Variants in CEP250 observed in about 807,000 individuals in gnomAD.
The protein encoded by CEP250 is centrosome-associated protein CEP250.
A neutral mutation model predicts 315.7 loss-of-function variants in CEP250; 242 were observed. The ratio of observed to expected loss-of-function variants is 0.77; its 90% confidence interval spans 0.69 to 0.85. CEP250 has a LOEUF of 0.85. Among genes scored for constraint, CEP250 ranks in the 40% least tolerant of loss-of-function variants. CEP250 has a pLI of 0.00. For missense variants in CEP250, 2,515 were observed against 2,886.4 expected (o/e 0.87, Z 2.95); for synonymous variants, 1,088 against 1,175.0 (o/e 0.93, Z 1.51).
At chr20:35,464,208 C>A (rs1273052679) in intron 5 of CEP250, among the ~76,000 whole-genome samples, 1 of 152,208 alleles carries the variant, frequency 6.6e-6, no homozygotes, top group Non-Finnish European at 1.5e-5. Context: ...AAGCTATATG[C>A]ATTCAGTATG....
rs540259185 is a variant in CEP250 at position 35,465,410 on chromosome 20, A to G, written c.244-333A>G. On this transcript the variant is annotated intron_variant, in intron 5 of 34. Transcript: ENST00000397527. Reference sequence around the variant, plus strand: ...ACTCCAGCCTGGGCGACAGAGCGAGACTCTGTCTCCAAAAAAAAAAAAAAA... The same window carrying G: ...ACTCCAGCCTGGGCGACAGAGCGAGGCTCTGTCTCCAAAAAAAAAAAAAAA... Among the ~76,000 whole-genome samples, 58 of 140,724 alleles carry G rather than the reference A, an allele frequency of 4.1e-4. No homozygotes were observed. The South Asian group carries it at 0.012, about 29-fold the overall frequency. 92.3% of individuals were successfully genotyped at this position (140,724 alleles called of 152,430 possible). A position where few individuals can be genotyped will look rare whatever the true frequency, so the allele number is the denominator to read the frequency against.
chr20:35,498,065 C>A lies in CEP250; in HGVS notation c.3653C>A (p.Pro1218Gln), dbSNP rs959592326. Residue 1218 changes from proline (P) to glutamine (Q), a missense_variant and splice_region_variant, in exon 26 of 35, where the codon CCA (proline) becomes CAA (glutamine). Coordinates refer to ENST00000397527, the MANE Select transcript of CEP250 (RefSeq NM_007186.6). ...GCTCCTTCCGTCTGGGGCCTTGAGC[C>A]AGGTGAGACAGCCTCCCCAGAACTA... ...DSAPSVWGLEPDQNGARSLFK... is the reference protein window; with the variant it reads ...DSAPSVWGLEQDQNGARSLFK... The A allele has an allele frequency of 7.7e-6, 12 of 1,557,450 alleles. No individual in the cohort carries two copies. The highest frequency in any genetic ancestry group is 1.0e-5 in the Non-Finnish European group (12 of 1,150,302).
rs898476111 is a variant in CEP250 at position 35,513,758 on chromosome 20, G to T, written c.*2132G>T. The T allele has an allele frequency of 6.6e-6, 1 of 152,260 alleles. No homozygotes were observed. The highest frequency in any genetic ancestry group is 2.4e-5 in the African/African-American group (1 of 41,462). 9.4% of individuals were successfully genotyped at this position (152,260 alleles called of 1,614,324 possible). On this transcript the variant is annotated 3_prime_UTR_variant, in exon 35 of 35. Coordinates refer to ENST00000397527, the MANE Select transcript of CEP250 (RefSeq NM_007186.6). ...CCACATACCTTCTGGGCCTCAGAGA[G>T]GTTCCAGCAGCTGAAAGACATCTTA...
At chr20:35,496,214 G>A (rs771860817) in intron 24 of CEP250, among the ~76,000 whole-genome samples, 1 of 152,146 alleles carries the variant, frequency 6.6e-6, no homozygotes, top group Non-Finnish European at 1.5e-5. Context: ...GCGCATGCCT[G>A]CAATCCCAGC....
At position 35,474,068 on chromosome 20, in the gene CEP250, C is replaced by T. The variant is rs1406042527; in HGVS notation, c.1571+16C>T. ...GGGAGCGTCTGTAAGTGAGACTAGT[C>T]TCCTCCTCGCTGGGCCCTGGTCTTT... On this transcript the variant is annotated intron_variant, in intron 14 of 34. Coordinates refer to ENST00000397527, the MANE Select transcript of CEP250 (RefSeq NM_007186.6). 2.0e-6 allele frequency: 3 copies of T among 1,502,718 alleles called. No individual in the cohort carries two copies. The highest frequency in any genetic ancestry group is 2.9e-5 in the African/African-American group (2 of 69,982). 93.1% of individuals were successfully genotyped at this position (1,502,718 alleles called of 1,614,324 possible).
At chr20:35,474,468 G>A (rs958032745) in intron 14 of CEP250, among the ~76,000 whole-genome samples, 1 of 152,184 alleles carries the variant, frequency 6.6e-6, no homozygotes, top group Admixed American at 6.6e-5. Context: ...ACTTTGAGCT[G>A]GGCCTTTACC....
Position 35,475,549 on chromosome 20 carries a change from G to C in CEP250, c.1619G>C (p.Ser540Thr). The change falls in exon 15 of 35, where the codon AGT becomes ACT. Residue 540 changes from serine to threonine, a missense_variant. Transcript: ENST00000397527. ...GLEAKQSESL[S>T]ELITLREALE... Reference sequence around the variant, plus strand: ...GAAGCCAAACAGTCAGAATCACTCAGTGAACTGATCACTCTTCGGGAAGCC... The same window carrying C: ...GAAGCCAAACAGTCAGAATCACTCACTGAACTGATCACTCTTCGGGAAGCC... 1 of 1,614,200 alleles carries C rather than the reference G, an allele frequency of 6.2e-7. No homozygotes were observed. The highest frequency in any genetic ancestry group is 8.5e-7 in the Non-Finnish European group (1 of 1,180,052).
chr20:35,465,800 G>T lies in CEP250; in HGVS notation c.301G>T (p.Val101Phe), dbSNP rs1226761291. 6.2e-7 allele frequency: 1 copy of T among 1,610,016 alleles called. No homozygotes were observed. The highest frequency in any genetic ancestry group is 1.7e-5 in the Admixed American group (1 of 59,322). ...VEEPNLDELL[V>F]RLEEEQQRCE... ...GGAGCCAAACCTGGATGAGCTGCTG[G>T]TCCGATTGGAGGAGGAGCAACAGAG... Residue 101 changes from valine (V) to phenylalanine (F), a missense_variant, in exon 6 of 35, where the codon GTC (valine) becomes TTC (phenylalanine). By Grantham distance (50) the Val-to-Phe change is conservative. Transcript: ENST00000397527.
Position 35,472,124 on chromosome 20 carries a change from A to C in CEP250, c.1023A>C (p.Leu341Phe). 1 of 1,611,934 alleles carries C rather than the reference A, an allele frequency of 6.2e-7. No individual in the cohort carries two copies. The highest frequency in any genetic ancestry group is 8.5e-7 in the Non-Finnish European group (1 of 1,177,982). ...SRNAQEEKLS[L>F]QQVIKDITQV... ...ATGCGCAAGAGGAGAAGTTGTCTTT[A>C]CAGCAGGTGATCAAGGATATAACCC... Residue 341 changes from leucine (L) to phenylalanine (F), a missense_variant, in exon 11 of 35, where the codon TTA becomes TTC. Coordinates refer to ENST00000397527, the MANE Select transcript of CEP250 (RefSeq NM_007186.6).
intron 22 of CEP250, 32 bp from the exon 23 acceptor site, chr20:35,493,397 C>A: frequency 6.6e-7 from 1 of 1,506,530 alleles, no homozygotes; most frequent in Non-Finnish European, 8.9e-7. Context: ...ACACAGATTT[C>A]CTCTACTCAA....
At chr20:35,511,291 G>C in intron 34 of CEP250, 72 bp from the exon 35 acceptor site, 1 of 1,321,266 alleles carries the variant, frequency 7.6e-7, no homozygotes, top group South Asian at 1.4e-5. Flanking sequence ...AGAGAACACA[G>C]AGCAGGAAGA....
At chr20:35,509,187 C>T (rs918554575) in intron 33 of CEP250, 143 bp downstream of exon 33, 18 of 682,614 alleles carry the variant, frequency 2.6e-5, no homozygotes, top group South Asian at 1.3e-4. Flanking sequence ...CCCTGCTCGG[C>T]ACAGCTCAGT....
At chr20:35,507,170 T>A (rs537013110) in intron 30 of CEP250, among the ~76,000 whole-genome samples, 1 of 152,376 alleles carries the variant, frequency 6.6e-6, no homozygotes, top group Non-Finnish European at 1.5e-5. Flanking sequence ...TTGTTTTCTC[T>A]TGTTCATCTC....
chr20:35,469,915 A>C lies in CEP250; in HGVS notation c.877A>C (p.Thr293Pro). ...DRVTELSALL[T>P]QSQKQNEDYE... ...GGTGACCGAGCTCTCTGCTCTGTTG[A>C]CCCAGTCTCAGAAGCAAAATGAAGA... Residue 293 changes from threonine to proline, a missense_variant, in exon 10 of 35, where the codon ACC becomes CCC. Transcript: ENST00000397527. The C allele has an allele frequency of 6.2e-7, 1 of 1,613,586 alleles. No individual in the cohort carries two copies. Among genetic ancestry groups the C allele is most frequent in the Non-Finnish European group, 8.5e-7 (1 of 1,179,642 alleles).
chr20:35,487,259 G>A (rs1226061707), intron 20 of CEP250, among the ~76,000 whole-genome samples: 1 of 152,080 alleles, frequency 6.6e-6, no homozygotes, highest in Admixed American at 6.6e-5. Context: ...CCCAAGGTCA[G>A]GAGTTTGAGA....
At position 35,477,689 on chromosome 20, in the gene CEP250, T is replaced by C. The variant is rs570570556; in HGVS notation, c.1864-182T>C. The C allele has an allele frequency of 6.6e-6, 4 of 605,772 alleles. No individual in the cohort carries two copies. The South Asian group carries it at 8.0e-5, about 12-fold the overall frequency. 37.5% of individuals were successfully genotyped at this position (605,772 alleles called of 1,614,324 possible). Reference sequence around the variant, plus strand: ...ATCTCCGTCCCCAGCATCCAGCCCATCTAGTACCTGGAATATAGGCACTAG... The same window carrying C: ...ATCTCCGTCCCCAGCATCCAGCCCACCTAGTACCTGGAATATAGGCACTAG... On this transcript the variant is annotated intron_variant, in intron 16 of 34. Coordinates refer to ENST00000397527, the MANE Select transcript of CEP250 (RefSeq NM_007186.6).
chr20:35,507,194 T>C lies in CEP250; in HGVS notation c.6637-544T>C, dbSNP rs1335374667. 3.3e-5 allele frequency among the ~76,000 whole-genome samples: 5 copies of C among 152,248 alleles called. No individual in the cohort carries two copies. In the East Asian group the frequency reaches 9.6e-4, roughly 29 times the overall value. On this transcript the variant is annotated intron_variant, in intron 30 of 34. Coordinates refer to ENST00000397527, the MANE Select transcript of CEP250 (RefSeq NM_007186.6). Reference sequence around the variant, plus strand: ...CTTGTTCATCTCTTCTTGACTGTTATCATTTATGAACCACAGGGCACCTAG... The same window carrying C: ...CTTGTTCATCTCTTCTTGACTGTTACCATTTATGAACCACAGGGCACCTAG...
Position 35,504,853 on chromosome 20 carries a change from A to G in CEP250, c.6484A>G (p.Thr2162Ala), listed in dbSNP as rs758640285. The G allele has an allele frequency of 1.2e-6, 2 of 1,614,202 alleles. No individual in the cohort carries two copies. Among genetic ancestry groups the G allele is most frequent in the Non-Finnish European group, 1.7e-6 (2 of 1,180,040 alleles). Residue 2162 changes from threonine to alanine, a missense_variant, in exon 30 of 35, where the codon ACA becomes GCA. Transcript: ENST00000397527. ...LERLQAALRQ[T>A]EAREIEWREK... is the part of the protein sequence containing the mutation. The stretch of plus-strand genomic sequence containing the variant: ...GCGGCTACAGGCAGCCCTGAGACAG[A>G]CAGAAGCCAGGGAGATTGAGTGGAG...
intron 30 of CEP250, among the ~76,000 whole-genome samples, chr20:35,505,544 T>C (rs989890410): frequency 6.6e-6 from 1 of 151,642 alleles, no homozygotes; most frequent in Non-Finnish European, 1.5e-5. Context: ...TCCCAGCTAC[T>C]TGGGAGTCTG....
Sources: allele counts gnomAD v4.1 joint callset (sites outside exome capture counted in the v4.1 genomes callset), GRCh38; gene constraint gnomAD v4.1.1; transcripts MANE v1.5; gene names NCBI Gene and HGNC (gene_info 2026-07-23, HGNC 2026-07-21).